Variants in GARIN1B observed in about 807,000 individuals in gnomAD.
The protein encoded by GARIN1B is Golgi-associated RAB2 interactor protein 1B.
At chr7:128,715,144 G>A in the GARIN1B span, 1 of 540,352 alleles carries the variant, frequency 1.9e-6, no homozygotes, top group African/African-American at 2.1e-5. Context: ...AGCCCTCCTT[G>A]CTTGCTTTCT....
the GARIN1B span, chr7:128,716,722 C>T: frequency 9.1e-7 from 1 of 1,094,074 alleles, no homozygotes; most frequent in Non-Finnish European, 1.3e-6. Flanking sequence ...CAACCCAAAA[C>T]ATTAATAGTG....
At chr7:128,724,776 T>G in the GARIN1B span, 8 of 1,289,566 alleles carry the variant, frequency 6.2e-6, no homozygotes, top group Admixed American at 1.8e-4. Flanking sequence ...CAGGAACCAG[T>G]TGGACCAGCA....
the GARIN1B span, chr7:128,729,973 G>A: frequency 6.1e-5 from 98 of 1,614,132 alleles, no homozygotes; most frequent in Middle Eastern, 8.2e-4. Context: ...ATTCACGTAC[G>A]GAGAGTGGGA....
At chr7:128,710,325 T>G in the GARIN1B span, among the ~76,000 whole-genome samples, 1 of 152,362 alleles carries the variant, frequency 6.6e-6, no homozygotes, top group South Asian at 2.1e-4. Context: ...TTACCTGCAA[T>G]ATAGTACATT....
At chr7:128,718,792 A>C in the GARIN1B span, 2 of 1,603,658 alleles carry the variant, frequency 1.2e-6, no homozygotes, top group Non-Finnish European at 1.7e-6. Context: ...GATTGGATGC[A>C]ATAGGGTTGT....
chr7:128,722,534 G>A, the GARIN1B span, among the ~76,000 whole-genome samples: 11 of 152,148 alleles, frequency 7.2e-5, no homozygotes, highest in Non-Finnish European at 1.3e-4. Flanking sequence ...GGCCAGGCGC[G>A]GTGGCTCACG....
At chr7:128,719,177 T>C in the GARIN1B span, 2 of 1,326,002 alleles carry the variant, frequency 1.5e-6, no homozygotes, top group Non-Finnish European at 2.1e-6. Flanking sequence ...GAAGGTGATC[T>C]CAGTGTGAGG....
At chr7:128,713,890 A>G in the GARIN1B span, 1 of 1,026,586 alleles carries the variant, frequency 9.7e-7, no homozygotes, top group Non-Finnish European at 1.4e-6. Flanking sequence ...TTTATTAATT[A>G]CTACGCTTTT....
the GARIN1B span, chr7:128,724,850 G>T: frequency 7.8e-7 from 1 of 1,289,272 alleles, no homozygotes; most frequent in Non-Finnish European, 1.0e-6. Flanking sequence ...AACCAGTACA[G>T]CTTGGAGGAG....
chr7:128,721,376 CTG>C, the GARIN1B span, among the ~76,000 whole-genome samples: 1 of 152,132 alleles, frequency 6.6e-6, no homozygotes, highest in South Asian at 2.1e-4. Flanking sequence ...GTGACCAGAA[CTG>C]TGTTTGTGTT....
At chr7:128,724,950 C>T in the GARIN1B span, 3 of 1,108,812 alleles carry the variant, frequency 2.7e-6, no homozygotes, top group African/African-American at 3.3e-5. Flanking sequence ...AACCTGGGGG[C>T]TCAGTCTTCA....
chr7:128,717,752 T>A, the GARIN1B span, among the ~76,000 whole-genome samples: 1 of 114,482 alleles, frequency 8.7e-6, no homozygotes, highest in Non-Finnish European at 1.8e-5. Flanking sequence ...CGGCCAGGTT[T>A]TTTTTGTTTT....
At chr7:128,723,899 G>A in the GARIN1B span, among the ~76,000 whole-genome samples, 2 of 152,156 alleles carry the variant, frequency 1.3e-5, no homozygotes, top group Admixed American at 1.3e-4. Context: ...AGCATGGTGG[G>A]CTTGACTCCA....
chr7:128,724,783 A>G, the GARIN1B span: 2 of 1,289,804 alleles, frequency 1.6e-6, no homozygotes, highest in South Asian at 2.5e-5. Flanking sequence ...CAGTTGGACC[A>G]GCAGTTCAGA....
At chr7:128,714,066 C>CTA in the GARIN1B span, 1 of 1,535,678 alleles carries the variant, frequency 6.5e-7, no homozygotes, top group South Asian at 1.2e-5. Flanking sequence ...GAGCCAGGAG[C>CTA]TATAACAGGT....
chr7:128,721,947 T>TA, the GARIN1B span, among the ~76,000 whole-genome samples: 160 of 152,352 alleles, frequency 1.1e-3, no homozygotes, highest in Non-Finnish European at 2.0e-3. Flanking sequence ...GTTCCTGCGA[T>TA]AAAATCTGCC....
At chr7:128,716,911 C>G in the GARIN1B span, 1 of 1,614,030 alleles carries the variant, frequency 6.2e-7, no homozygotes, top group Non-Finnish European at 8.5e-7. Context: ...TCCCCAACAT[C>G]CTACTCATGG....
chr7:128,711,153 C>T, the GARIN1B span, among the ~76,000 whole-genome samples: 135 of 152,148 alleles, frequency 8.9e-4, 3 homozygotes, highest in East Asian at 0.012. Context: ...GTACTTTCCT[C>T]CTGGCATGCT....
At chr7:128,730,072 A>G in the GARIN1B span, 2 of 1,612,216 alleles carry the variant, frequency 1.2e-6, no homozygotes, top group African/African-American at 1.3e-5. Flanking sequence ...ACCCATAGGT[A>G]CAGCAATGGG....
Sources: allele counts gnomAD v4.1 joint callset (sites outside exome capture counted in the v4.1 genomes callset), GRCh38; gene constraint gnomAD v4.1.1; transcripts MANE v1.5; gene names NCBI Gene and HGNC (gene_info 2026-07-23, HGNC 2026-07-21).